ALK: variants seen among roughly 807,000 people sequenced by gnomAD.
ALK encodes the protein ALK tyrosine kinase receptor.
ALK carries 74 observed loss-of-function variants against 163.1 expected under a neutral mutation model. That is an observed-to-expected ratio of 0.45 (90% CI 0.38 to 0.55). The LOEUF is 0.55. ALK is among the 20% of genes least tolerant of loss of function. The probability of loss-of-function intolerance (pLI) is 0.00; values close to 1 mark genes in which losing one functional copy is unlikely to be tolerated. For synonymous variants in ALK, 960 were observed against 843.2 expected (o/e 1.14, Z -2.40); for missense variants, 2,063 against 2,105.3 (o/e 0.98, Z 0.39).
rs147711521 is a variant in ALK, at chr2:29,552,968, G to A, written c.953-20852C>T. On this transcript the variant is annotated intron_variant, in intron 3 of 28. Transcript: ENST00000389048. ...TAGACACCATGCCTTCATCCATGCT[G>A]TGCCATATGCTGAGAAAGCCTCCTC... is the stretch of plus-strand genomic sequence containing the variant. Among the ~76,000 whole-genome samples the A allele has an allele frequency of 2.0e-3, 300 of 152,246 alleles. 3 individuals carry two copies. Among genetic ancestry groups the A allele is most frequent in the African/African-American group, 6.1e-3 (254 of 41,546 alleles).
At chr2:29,459,679 GC>G in intron 4 of ALK, among the ~76,000 whole-genome samples, 1 of 151,906 alleles carries the variant, frequency 6.6e-6, no homozygotes, top group Non-Finnish European at 1.5e-5. Flanking sequence ...TAAATGAATA[GC>G]CATCTTGTGA....
intron 4 of ALK, among the ~76,000 whole-genome samples, chr2:29,486,651 T>A (rs1162996839): frequency 6.6e-6 from 1 of 152,220 alleles, no homozygotes; most frequent in African/African-American, 2.4e-5. Context: ...TATTCACTGA[T>A]AAATATCCTA....
intron 3 of ALK, among the ~76,000 whole-genome samples, chr2:29,682,208 G>A (rs530321997): frequency 1.4e-4 from 22 of 152,268 alleles, no homozygotes; most frequent in African/African-American, 5.1e-4. Context: ...TGGGATAGAA[G>A]AGAGATGGAA....
intron 3 of ALK, among the ~76,000 whole-genome samples, chr2:29,593,325 T>C (rs6717345): frequency 0.011 from 1,635 of 152,282 alleles, 31 homozygotes; most frequent in African/African-American, 0.037. Context: ...GGCTCGACCA[T>C]TGCCTATGGA....
At chr2:29,780,590 G>C (rs534078064) in intron 1 of ALK, among the ~76,000 whole-genome samples, 1 of 152,342 alleles carries the variant, frequency 6.6e-6, no homozygotes. Flanking sequence ...AATGGAGTCA[G>C]GAATGCACAG....
intron 4 of ALK, among the ~76,000 whole-genome samples, chr2:29,494,848 G>C (rs1178409029): frequency 9.0e-6 from 1 of 111,672 alleles, no homozygotes; most frequent in Non-Finnish European, 1.9e-5. Flanking sequence ...AGACTCGTGT[G>C]TGTGTGTGTG....
At chr2:29,296,754 C>CGT (rs1666193360) in intron 9 of ALK, 134 bp downstream of exon 9, 1 of 1,005,618 alleles carries the variant, frequency 9.9e-7, no homozygotes, top group Non-Finnish European at 1.5e-6. Context: ...CGTGCGTGCA[C>CGT]GCGCACATAT....
chr2:29,718,469 T>A (rs1307501377), intron 1 of ALK, among the ~76,000 whole-genome samples: 1 of 152,232 alleles, frequency 6.6e-6, no homozygotes, highest in Admixed American at 6.5e-5. Context: ...TGCTAATGTT[T>A]TACGGCAGAC....
At position 29,193,487 on chromosome 2, in the gene ALK, C is replaced by T. The variant is rs1453682751; in HGVS notation, c.4600G>A (p.Gly1534Arg). The change falls in exon 29 of 29, where the codon GGG (glycine) becomes AGG (arginine). Residue 1534 changes from glycine (G) to arginine (R), a missense_variant. Gly to Arg is a moderately radical substitution (Grantham distance 125). Around this residue, in one of 5 missense-constraint regions of ALK, gnomAD observed 403 missense variants for 366.2 expected, o/e 1.10. Coordinates refer to ENST00000389048, the MANE Select transcript of ALK (RefSeq NM_004304.5). ...GGGACAGTACAGCTTCCCTCCAGCC[C>T]CAGGTTACCCCTGTCGTGTGGCTCC... is the stretch of plus-strand genomic sequence containing the variant. ...KKEPHDRGNL[G>R]LEGSCTVPPN... 2 of 1,614,156 alleles carry T rather than the reference C, an allele frequency of 1.2e-6. No individual in the cohort carries two copies. Among genetic ancestry groups the T allele is most frequent in the Non-Finnish European group, 1.7e-6 (2 of 1,180,018 alleles).
chr2:29,379,681 T>C lies in ALK; in HGVS notation c.1282+4051A>G, dbSNP rs557837397. Among the ~76,000 whole-genome samples, 6 of 152,260 alleles carry C rather than the reference T, an allele frequency of 3.9e-5. No individual in the cohort carries two copies. The South Asian group carries it at 1.0e-3, about 26-fold the overall frequency. On this transcript the variant is annotated intron_variant, in intron 5 of 28. Coordinates refer to ENST00000389048, the MANE Select transcript of ALK (RefSeq NM_004304.5). ...ATGTGGGAGGCAATAAGAAATGACC[T>C]ATGTCACATGAAAGCGCCACAAAAG...
At position 29,780,656 on chromosome 2, in the gene ALK, C is replaced by T. The variant is rs566960693; in HGVS notation, c.668-62959G>A. ...GAACACCTTAGGGATATCTGAGCAG[C>T]GCCCTCCACTGAACTTGACGGGCTA... On this transcript the variant is annotated intron_variant, in intron 1 of 28. Transcript: ENST00000389048. Among the ~76,000 whole-genome samples the T allele has an allele frequency of 5.9e-5, 9 of 152,298 alleles. No homozygotes were observed. In the South Asian group the frequency reaches 1.7e-3, roughly 28 times the overall value.
chr2:29,795,196 A>ACACG (rs1414950814), intron 1 of ALK, among the ~76,000 whole-genome samples: 5 of 152,162 alleles, frequency 3.3e-5, no homozygotes, highest in Non-Finnish European at 7.4e-5. Context: ...ACACACACAC[A>ACACG]CACGCAAAGA....
chr2:29,225,609 C>G (rs1663955068), intron 18 of ALK, 44 bp from the exon 19 acceptor site: 1 of 1,535,438 alleles, frequency 6.5e-7, no homozygotes, highest in Non-Finnish European at 8.9e-7. Context: ...CACACCAGGT[C>G]TCCTTTGAGT....
chr2:29,219,136 C>T lies in ALK; in HGVS notation c.3645+1570G>A, dbSNP rs34470534. Among the ~76,000 whole-genome samples the T allele has an allele frequency of 5.4e-3, 827 of 152,288 alleles. 5 individuals are homozygous for T. Among genetic ancestry groups the T allele is most frequent in the Non-Finnish European group, 6.8e-3 (462 of 68,016 alleles). On this transcript the variant is annotated intron_variant, in intron 23 of 28. Coordinates refer to ENST00000389048, the MANE Select transcript of ALK (RefSeq NM_004304.5). ...TGGGGAGAGACCTGCATTGTCTGTT[C>T]ATAGGGTGGTGTTGAGAAATGTGAA...
chr2:29,385,639 C>T (rs1321925387), intron 4 of ALK, among the ~76,000 whole-genome samples: 2 of 152,188 alleles, frequency 1.3e-5, no homozygotes, highest in East Asian at 1.9e-4. Context: ...CATCCACCTG[C>T]CTCAGCCTCC....
At chr2:29,580,659 C>T (rs940660852) in intron 3 of ALK, among the ~76,000 whole-genome samples, 1 of 152,216 alleles carries the variant, frequency 6.6e-6, no homozygotes, top group African/African-American at 2.4e-5. Flanking sequence ...CATGTAGGTG[C>T]AAGGGCTGTG....
chr2:29,717,335 G>A (rs543499182), intron 2 of ALK, among the ~76,000 whole-genome samples: 1 of 152,252 alleles, frequency 6.6e-6, no homozygotes, highest in South Asian at 2.1e-4. Flanking sequence ...TAAGCAGGAG[G>A]GATATGGCAG....
intron 1 of ALK, among the ~76,000 whole-genome samples, chr2:29,722,293 C>A (rs531014772): frequency 2.0e-4 from 30 of 152,188 alleles, no homozygotes; most frequent in Non-Finnish European, 4.3e-4. Flanking sequence ...CAAGTGAGTG[C>A]GGGACACCAG....
intron 23 of ALK, among the ~76,000 whole-genome samples, chr2:29,218,779 C>T (rs868858573): frequency 6.6e-6 from 1 of 152,248 alleles, no homozygotes; most frequent in Admixed American, 6.5e-5. Context: ...TGTGATGCCA[C>T]GTGTCCCCCA....
Sources: gnomAD v4.1 joint callset for allele counts (sites outside exome capture counted in the v4.1 genomes callset) on GRCh38, gnomAD v4.1.1 for gene constraint, gnomAD v4.1.1 regional missense constraint, MANE v1.5 for transcripts, NCBI Gene and HGNC (gene_info 2026-07-23, HGNC 2026-07-21) for gene names.